The following KANSL1 variants were observed in gnomAD, a reference collection of about 807,000 sequenced individuals.
KANSL1 encodes KAT8 regulatory NSL complex subunit 1, also known as MLL1/MLL complex subunit KANSL1.
A neutral mutation model predicts 103.6 loss-of-function variants in KANSL1; 22 were observed. The ratio of observed to expected loss-of-function variants is 0.21; its 90% CI spans 0.15 to 0.30. The LOEUF (loss-of-function observed/expected upper bound fraction) is 0.30. Ranked by LOEUF, KANSL1 falls within the 10% of genes least tolerant of loss-of-function variation. The pLI, the probability that KANSL1 is intolerant of heterozygous loss-of-function variation, is 1.00. For missense variants in KANSL1, 1,337 were observed against 1,399.8 expected (o/e 0.96, Z 0.72); for synonymous variants, 600 against 527.6 (o/e 1.14, Z -1.88).
At chr17:46,156,986 C>T (rs147463113) in intron 2 of KANSL1, 4 of 152,140 alleles carry the variant, frequency 2.6e-5, no homozygotes, top group African/African-American at 9.6e-5. Flanking sequence ...TTTCATCATT[C>T]CTGATCTAAC....
At chr17:46,219,095 T>C (rs1225685244) in intron 1 of KANSL1, among the ~76,000 whole-genome samples, 13 of 151,402 alleles carry the variant, frequency 8.6e-5, no homozygotes, top group Admixed American at 7.9e-4. Flanking sequence ...ACCCCATCTC[T>C]ACTAAAAATA....
intron 4 of KANSL1, among the ~76,000 whole-genome samples, chr17:46,073,661 AGGC>A (rs1442011639): frequency 6.6e-6 from 1 of 152,204 alleles, no homozygotes; most frequent in African/African-American, 2.4e-5. Context: ...AAAACAGGGA[AGGC>A]TAGAATTGAA....
Position 46,111,778 on chromosome 17 carries a change from T to C in KANSL1, c.1290-17077A>G, listed in dbSNP as rs117729699. On this transcript the variant is annotated intron_variant, in intron 2 of 14. Transcript: ENST00000432791. ...GGGAAGAAAGGAGAGGGAATTCCTATCTTACACTACACACAAAAATAAATC... is the reference window on the plus strand; with the variant it reads ...GGGAAGAAAGGAGAGGGAATTCCTACCTTACACTACACACAAAAATAAATC... Among the ~76,000 whole-genome samples the C allele has an allele frequency of 4.3e-3, 655 of 152,348 alleles. 3 individuals are homozygous for C. Among genetic ancestry groups the C allele is most frequent in the Middle Eastern group, 0.041 (12 of 294 alleles).
chr17:46,166,301 CAGG>C (rs2045997065), intron 2 of KANSL1, among the ~76,000 whole-genome samples: 1 of 151,902 alleles, frequency 6.6e-6, no homozygotes, highest in Admixed American at 6.6e-5. Flanking sequence ...CACCTGAGGT[CAGG>C]AGTTCGAGAC....
At position 46,171,167 on chromosome 17, in the gene KANSL1, T is replaced by G; in HGVS notation, c.977A>C (p.Glu326Ala). 6.2e-7 allele frequency: 1 copy of G among 1,614,148 alleles called. No homozygotes were observed. Among genetic ancestry groups the G allele is most frequent in the South Asian group, 1.1e-5 (1 of 91,088 alleles). The part of the protein sequence containing the change: ...HIQHQLGGFL[E>A]KTLSKLPNLE... ...GTTTGGCAGTTTGCTCAAAGTCTTC[T>G]CCAAAAATCCACCCAGCTGATGTTG... is the stretch of plus-strand genomic sequence containing the variant. Residue 326 changes from glutamate to alanine, a missense_variant, in exon 2 of 15, where the codon GAG becomes GCG. Glu to Ala is a moderately radical substitution (Grantham distance 107). This residue lies in a region of KANSL1 where 557 missense variants were observed against 476.4 expected (regional missense o/e 1.17). Coordinates refer to ENST00000432791, the MANE Select transcript of KANSL1 (RefSeq NM_015443.4).
At chr17:46,179,729 A>C (rs1225823285) in intron 1 of KANSL1, among the ~76,000 whole-genome samples, 2 of 152,234 alleles carry the variant, frequency 1.3e-5, no homozygotes, top group African/African-American at 4.8e-5. Context: ...GCATAAGAAA[A>C]GGCAACGCTG....
At chr17:46,145,192 C>T (rs999522407) in intron 2 of KANSL1, among the ~76,000 whole-genome samples, 1 of 152,238 alleles carries the variant, frequency 6.6e-6, no homozygotes, top group African/African-American at 2.4e-5. Context: ...TGCATGAAAG[C>T]AAAGGACTTT....
intron 1 of KANSL1, among the ~76,000 whole-genome samples, chr17:46,183,087 G>A (rs953273960): frequency 6.6e-6 from 1 of 152,204 alleles, no homozygotes; most frequent in Non-Finnish European, 1.5e-5. Flanking sequence ...AGTAGGCGGA[G>A]TCAGAAAATG....
At chr17:46,115,010 T>G (rs1254195877) in intron 2 of KANSL1, among the ~76,000 whole-genome samples, 1 of 152,180 alleles carries the variant, frequency 6.6e-6, no homozygotes, top group Non-Finnish European at 1.5e-5. Flanking sequence ...AGTCCACGAA[T>G]TTTTTTCATT....
chr17:46,192,016 C>T (rs2047355581), intron 1 of KANSL1, among the ~76,000 whole-genome samples: 2 of 151,546 alleles, frequency 1.3e-5, no homozygotes, highest in Admixed American at 1.3e-4. Flanking sequence ...GTGGGGGGGA[C>T]CGAGGAAAAG....
intron 1 of KANSL1, among the ~76,000 whole-genome samples, chr17:46,189,564 T>C (rs1288709155): frequency 1.3e-5 from 2 of 152,234 alleles, no homozygotes; most frequent in East Asian, 1.9e-4. Flanking sequence ...TGGATTAGTT[T>C]GGTGTTTTAT....
chr17:46,200,063 A>C (rs2047744839), intron 1 of KANSL1, among the ~76,000 whole-genome samples: 1 of 151,822 alleles, frequency 6.6e-6, no homozygotes, highest in Non-Finnish European at 1.5e-5. Flanking sequence ...ACACACACAC[A>C]CACCCTGATT....
intron 1 of KANSL1, chr17:46,222,030 A>G (rs377767082): frequency 6.8e-6 from 1 of 147,676 alleles, no homozygotes; most frequent in South Asian, 2.1e-4. Context: ...ATAGGAAGAA[A>G]ACATTACCCC....
chr17:46,144,436 C>T (rs2044590331), intron 2 of KANSL1, among the ~76,000 whole-genome samples: 1 of 152,198 alleles, frequency 6.6e-6, no homozygotes, highest in Non-Finnish European at 1.5e-5. Flanking sequence ...TCAACTCTGC[C>T]AATTTCTGGG....
intron 1 of KANSL1, among the ~76,000 whole-genome samples, chr17:46,188,129 T>C (rs1381904134): frequency 6.6e-6 from 1 of 152,254 alleles, no homozygotes; most frequent in Non-Finnish European, 1.5e-5. Flanking sequence ...AGTCATCTCC[T>C]ATGACCCACA....
chr17:46,167,890 G>T (rs1473602368), intron 2 of KANSL1, among the ~76,000 whole-genome samples: 1 of 152,232 alleles, frequency 6.6e-6, no homozygotes, highest in Non-Finnish European at 1.5e-5. Context: ...AGTGAAGAAA[G>T]GGATTATAAT....
intron 1 of KANSL1, among the ~76,000 whole-genome samples, chr17:46,202,649 A>G (rs1259246488): frequency 3.3e-5 from 5 of 152,252 alleles, no homozygotes; most frequent in African/African-American, 1.2e-4. Flanking sequence ...TAAGTTACCG[A>G]GAACATGACT....
intron 2 of KANSL1, among the ~76,000 whole-genome samples, chr17:46,153,205 C>G (rs752850136): frequency 6.6e-6 from 1 of 152,106 alleles, no homozygotes; most frequent in Non-Finnish European, 1.5e-5. Context: ...CATGCAGGTA[C>G]GCAGCTCATC....
At chr17:46,089,269 T>C (rs1256726934) in intron 3 of KANSL1, among the ~76,000 whole-genome samples, 1 of 152,160 alleles carries the variant, frequency 6.6e-6, no homozygotes, top group Admixed American at 6.5e-5. Flanking sequence ...TTATATTCTT[T>C]CTCCAGAGAG....
Sources: gnomAD v4.1 joint callset for allele counts (sites outside exome capture counted in the v4.1 genomes callset) on GRCh38, gnomAD v4.1.1 for gene constraint, gnomAD v4.1.1 regional missense constraint, MANE v1.5 for transcripts, NCBI Gene and HGNC (gene_info 2026-07-23, HGNC 2026-07-21) for gene names.